The following PAM variants were observed in gnomAD, a reference collection of about 807,000 sequenced individuals.
PAM encodes the protein peptidylglycine alpha-amidating monooxygenase, also known as peptidyl-glycine alpha-amidating monooxygenase.
A neutral mutation model predicts 122.1 loss-of-function variants in PAM; 72 were observed. The observed-to-expected ratio is 0.59, with a 90% CI of 0.49 to 0.72. The LOEUF (loss-of-function observed/expected upper bound fraction) is 0.72. PAM is among the 30% of genes least tolerant of loss of function. The pLI is 0.00. For missense variants in PAM, 1,106 were observed against 1,183.7 expected, an observed-to-expected ratio of 0.93 and a Z score of 0.96; for synonymous variants, 389 against 404.4, an observed-to-expected ratio of 0.96 and a Z score of 0.46.
intron 7 of PAM, among the ~76,000 whole-genome samples, chr5:102,932,469 A>C (rs912982758): frequency 6.6e-6 from 1 of 151,734 alleles, no homozygotes; most frequent in Non-Finnish European, 1.5e-5. Flanking sequence ...TGGGTGACAG[A>C]GTAAGACTCC....
intron 1 of PAM, among the ~76,000 whole-genome samples, chr5:102,793,026 C>A (rs1292853766): frequency 6.6e-6 from 1 of 152,120 alleles, no homozygotes; most frequent in African/African-American, 2.4e-5. Flanking sequence ...GGTTATGAAT[C>A]TTGGGCCTCA....
intron 12 of PAM, among the ~76,000 whole-genome samples, chr5:102,954,039 TA>T (rs906340034): frequency 1.3e-5 from 2 of 151,872 alleles, no homozygotes; most frequent in South Asian, 2.1e-4. Context: ...CGTCTCAAAA[TA>T]AAAAAATATT....
Position 102,988,130 on chromosome 5 carries a change from C to T in PAM, c.1484-2142C>T, listed in dbSNP as rs143651543. On this transcript the variant is annotated intron_variant, in intron 15 of 25. Coordinates refer to ENST00000438793, the MANE Select transcript of PAM (RefSeq NM_001177306.2). ...GTCCCCAGCCCCCCATTCCACCTGACATACACACGTATCCTTTCCTGATTA... is the reference window on the plus strand; with the variant it reads ...GTCCCCAGCCCCCCATTCCACCTGATATACACACGTATCCTTTCCTGATTA... 2.0e-3 allele frequency among the ~76,000 whole-genome samples: 300 copies of T among 152,290 alleles called. 2 individuals are homozygous for T. Among genetic ancestry groups the T allele is most frequent in the African/African-American group, 6.7e-3 (280 of 41,562 alleles).
At chr5:102,925,190 T>C (rs759952190) in intron 6 of PAM, 148 bp downstream of exon 6, 48 of 610,922 alleles carry the variant, frequency 7.9e-5, no homozygotes, top group Non-Finnish European at 1.2e-4. Flanking sequence ...CTCTTTTGTA[T>C]TGAAAAGGTT....
At chr5:102,950,189 C>A (rs528068124) in intron 11 of PAM, among the ~76,000 whole-genome samples, 12 of 152,148 alleles carry the variant, frequency 7.9e-5, no homozygotes, top group African/African-American at 2.9e-4. Flanking sequence ...ATGTTGGTGG[C>A]CTTTCACATC....
At chr5:102,921,878 G>T (rs909981756) in intron 5 of PAM, among the ~76,000 whole-genome samples, 1 of 152,086 alleles carries the variant, frequency 6.6e-6, no homozygotes, top group African/African-American at 2.4e-5. Context: ...TGGTTTAGCT[G>T]TTTGACCTTT....
chr5:102,957,903 A>G (rs1293580799), intron 12 of PAM, among the ~76,000 whole-genome samples: 1 of 152,196 alleles, frequency 6.6e-6, no homozygotes, highest in African/African-American at 2.4e-5. Flanking sequence ...AATTGTGGAA[A>G]TACTACTCTA....
intron 15 of PAM, among the ~76,000 whole-genome samples, chr5:102,987,288 C>A (rs541296446): frequency 6.6e-6 from 1 of 151,930 alleles, no homozygotes; most frequent in Non-Finnish European, 1.5e-5. Flanking sequence ...GTGAAATAAG[C>A]CAAAAATAGA....
chr5:102,836,076 A>C (rs946532157), intron 1 of PAM, among the ~76,000 whole-genome samples: 3 of 152,152 alleles, frequency 2.0e-5, no homozygotes, highest in Admixed American at 2.0e-4. Flanking sequence ...AGTAAAATGC[A>C]AAAAAGGCAG....
intron 24 of PAM, 80 bp downstream of exon 24, chr5:103,025,414 G>C (rs963611475): frequency 3.4e-6 from 4 of 1,187,830 alleles, no homozygotes; most frequent in Non-Finnish European, 5.0e-6. Flanking sequence ...AGTTTGATTG[G>C]GATTTTTTTC....
intron 11 of PAM, among the ~76,000 whole-genome samples, chr5:102,950,220 G>A (rs1434178697): frequency 6.6e-6 from 1 of 152,038 alleles, no homozygotes; most frequent in Non-Finnish European, 1.5e-5. Context: ...TTCAAAGACA[G>A]TATTTCAGAC....
At chr5:102,834,790 G>A (rs1450286139) in intron 1 of PAM, among the ~76,000 whole-genome samples, 1 of 152,102 alleles carries the variant, frequency 6.6e-6, no homozygotes, top group African/African-American at 2.4e-5. Context: ...GAGATCCCTG[G>A]GATGGGATAG....
At chr5:102,822,777 C>G (rs536411650) in intron 1 of PAM, among the ~76,000 whole-genome samples, 3 of 152,100 alleles carry the variant, frequency 2.0e-5, no homozygotes, top group Non-Finnish European at 1.5e-5. Flanking sequence ...CAGGAAAGAG[C>G]AGTGAGAAGG....
chr5:102,869,488 G>A (rs1244682625), intron 3 of PAM, among the ~76,000 whole-genome samples: 1 of 152,206 alleles, frequency 6.6e-6, no homozygotes, highest in African/African-American at 2.4e-5. Flanking sequence ...ACTTGCAACT[G>A]AAACTACTGG....
Position 102,919,383 on chromosome 5 carries a change from A to G in PAM, c.356+5362A>G, listed in dbSNP as rs75257619. Among the ~76,000 whole-genome samples, 196 of 152,086 alleles carry G rather than the reference A, an allele frequency of 1.3e-3. 5 individuals carry two copies. The East Asian group carries it at 0.031, about 24-fold the overall frequency. On this transcript the variant is annotated intron_variant, in intron 5 of 25. Coordinates refer to ENST00000438793, the MANE Select transcript of PAM (RefSeq NM_001177306.2). ...CTTTGTTGCCTCCCTCCCAGTGATAATGATTCTTTGGTTGAGAACAGTATT... is the reference window on the plus strand; with the variant it reads ...CTTTGTTGCCTCCCTCCCAGTGATAGTGATTCTTTGGTTGAGAACAGTATT...
At chr5:103,014,810 C>T (rs1781540624) in intron 21 of PAM, among the ~76,000 whole-genome samples, 1 of 152,144 alleles carries the variant, frequency 6.6e-6, no homozygotes, top group African/African-American at 2.4e-5. Context: ...TATCAAAAAG[C>T]TGTGAGAGAA....
chr5:102,948,325 C>T, intron 8 of PAM, 53 bp from the exon 9 acceptor site: 1 of 976,418 alleles, frequency 1.0e-6, no homozygotes, highest in Admixed American at 1.8e-5. Context: ...TTTTCCAAAA[C>T]AGTCATTTTG....
intron 3 of PAM, among the ~76,000 whole-genome samples, chr5:102,876,804 CA>C (rs1789359080): frequency 6.6e-6 from 1 of 152,192 alleles, no homozygotes; most frequent in African/African-American, 2.4e-5. Context: ...GACTGGAAGG[CA>C]AAGGCTCTAT....
At chr5:102,870,710 C>A (rs1002997160) in intron 3 of PAM, among the ~76,000 whole-genome samples, 3 of 152,082 alleles carry the variant, frequency 2.0e-5, no homozygotes, top group Non-Finnish European at 4.4e-5. Flanking sequence ...GTTTTTCCAG[C>A]CTTTGGGAAG....
Sources: gnomAD v4.1 joint callset for allele counts (sites outside exome capture counted in the v4.1 genomes callset) on GRCh38, gnomAD v4.1.1 for gene constraint, MANE v1.5 for transcripts, NCBI Gene and HGNC (gene_info 2026-07-23, HGNC 2026-07-21) for gene names.